ULK4: variants seen among roughly 807,000 people sequenced by gnomAD.
ULK4 encodes unc-51 like kinase 4.
Under a neutral mutation model 160.6 loss-of-function variants are expected in ULK4, and 133 were observed. That is an observed-to-expected ratio of 0.83 (90% CI 0.72 to 0.96). The LOEUF is 0.96. ULK4 is among the 40% of genes least tolerant of loss of function. ULK4 has a pLI of 0.00. For missense variants in ULK4, 1,580 were observed against 1,499.5 expected (o/e 1.05, Z -0.89); for synonymous variants, 534 against 539.8 (o/e 0.99, Z 0.15).
At chr3:41,705,655 C>A (rs576583973) in intron 25 of ULK4, among the ~76,000 whole-genome samples, 92 of 152,168 alleles carry the variant, frequency 6.0e-4, no homozygotes, top group African/African-American at 2.1e-3. Context: ...TGCCACCACG[C>A]CTGGCTAATT....
chr3:41,428,527 A>C (rs2082829058), intron 34 of ULK4, among the ~76,000 whole-genome samples: 1 of 152,234 alleles, frequency 6.6e-6, no homozygotes, highest in South Asian at 2.1e-4. Flanking sequence ...CTATACTACA[A>C]GGCTATAGTC....
At chr3:41,906,928 G>A (rs1458188380) in intron 12 of ULK4, among the ~76,000 whole-genome samples, 4 of 152,128 alleles carry the variant, frequency 2.6e-5, no homozygotes, top group Non-Finnish European at 5.9e-5. Flanking sequence ...GGTAGGCGGA[G>A]GTTACAGTGA....
intron 27 of ULK4, among the ~76,000 whole-genome samples, chr3:41,697,241 G>A (rs1034130958): frequency 1.9e-4 from 29 of 152,102 alleles, no homozygotes; most frequent in African/African-American, 5.5e-4. Context: ...ATGACGCTTC[G>A]GTCAGCAACA....
chr3:41,331,784 C>T (rs1023488527), intron 35 of ULK4, among the ~76,000 whole-genome samples: 4 of 152,144 alleles, frequency 2.6e-5, no homozygotes, highest in Admixed American at 6.5e-5. Flanking sequence ...TGAGTGTTCC[C>T]TGAAAATTCA....
At chr3:41,794,588 G>C in intron 20 of ULK4, among the ~76,000 whole-genome samples, 1 of 138,380 alleles carries the variant, frequency 7.2e-6, no homozygotes, top group Admixed American at 8.1e-5. Flanking sequence ...TTGAACCCAG[G>C]AGGCAGAGGT....
chr3:41,559,708 G>C (rs1204545661), intron 32 of ULK4, among the ~76,000 whole-genome samples: 2 of 152,014 alleles, frequency 1.3e-5, no homozygotes, highest in African/African-American at 4.8e-5. Flanking sequence ...CCTTTGACCA[G>C]TTTTTGATGG....
intron 35 of ULK4, among the ~76,000 whole-genome samples, chr3:41,378,390 GAATA>G (rs900674358): frequency 2.4e-4 from 36 of 149,494 alleles, no homozygotes; most frequent in African/African-American, 5.2e-4. Flanking sequence ...AAGAAAAAAA[GAATA>G]AATAAATAAA....
intron 30 of ULK4, among the ~76,000 whole-genome samples, chr3:41,646,300 C>G (rs1280129654): frequency 2.6e-5 from 4 of 152,300 alleles, no homozygotes; most frequent in African/African-American, 9.6e-5. Flanking sequence ...ATGATCTTTA[C>G]ACTTTGGCAT....
At chr3:41,652,723 G>A (rs2034791245) in intron 30 of ULK4, among the ~76,000 whole-genome samples, 1 of 152,196 alleles carries the variant, frequency 6.6e-6, no homozygotes, top group African/African-American at 2.4e-5. Context: ...TTATCCACAT[G>A]ACACTGAGAA....
At chr3:41,545,480 T>A (rs1184857283) in intron 32 of ULK4, among the ~76,000 whole-genome samples, 1 of 152,200 alleles carries the variant, frequency 6.6e-6, no homozygotes, top group Non-Finnish European at 1.5e-5. Context: ...CCATTATTTC[T>A]GACAAGAGGT....
chr3:41,826,533 A>G (rs1022707163), intron 18 of ULK4, among the ~76,000 whole-genome samples: 3 of 150,608 alleles, frequency 2.0e-5, no homozygotes, highest in African/African-American at 7.4e-5. Flanking sequence ...AACAGACTTT[A>G]AACCAACAAA....
intron 35 of ULK4, among the ~76,000 whole-genome samples, chr3:41,340,589 T>C (rs2080660955): frequency 6.6e-6 from 1 of 152,196 alleles, no homozygotes; most frequent in Non-Finnish European, 1.5e-5. Context: ...TAAGTAAAAA[T>C]TGATAAAAAT....
At position 41,552,645 on chromosome 3, in the gene ULK4, A is replaced by G. The variant is rs561648769; in HGVS notation, c.3226+13380T>C. On this transcript the variant is annotated intron_variant, in intron 32 of 36. Coordinates refer to ENST00000301831, the MANE Select transcript of ULK4 (RefSeq NM_017886.4). ...CTATGCTCATGGGTTAGAAGAATTAATATTGTTAAAATGATCATACTGCCC... is the reference window on the plus strand; with the variant it reads ...CTATGCTCATGGGTTAGAAGAATTAGTATTGTTAAAATGATCATACTGCCC... Among the ~76,000 whole-genome samples the G allele has an allele frequency of 2.0e-5, 3 of 152,146 alleles. No individual in the cohort carries two copies. In the South Asian group the frequency reaches 6.2e-4, roughly 32 times the overall value.
intron 32 of ULK4, among the ~76,000 whole-genome samples, chr3:41,535,946 C>T (rs2086483903): frequency 1.3e-5 from 2 of 152,154 alleles, no homozygotes. Flanking sequence ...GCCTTAAGAC[C>T]ATCTGGACTC....
intron 35 of ULK4, among the ~76,000 whole-genome samples, chr3:41,304,877 A>G (rs1190461228): frequency 6.6e-6 from 1 of 152,180 alleles, no homozygotes; most frequent in African/African-American, 2.4e-5. Context: ...GAGAGCTGAG[A>G]TCTCCTGCAT....
intron 2 of ULK4, among the ~76,000 whole-genome samples, chr3:41,938,701 A>T (rs944362689): frequency 1.3e-5 from 2 of 151,754 alleles, no homozygotes; most frequent in Admixed American, 1.3e-4. Context: ...AAATAAATAA[A>T]TTTTTTTAAA....
At position 41,455,727 on chromosome 3, in the gene ULK4, T is replaced by A. The variant is rs2083532183; in HGVS notation, c.3394-132A>T. On this transcript the variant is annotated intron_variant, in intron 33 of 36. Transcript: ENST00000301831. ...TCTACCTCAGTTCCCAAGGATGGAA[T>A]AGATGGAGGCCCCAGAAGAGATACT... The A allele has an allele frequency of 7.1e-6, 5 of 702,112 alleles. No homozygotes were observed. In the South Asian group the frequency reaches 8.8e-5, roughly 12 times the overall value. 43.5% of individuals were successfully genotyped at this position (702,112 alleles called of 1,614,324 possible).
At chr3:41,670,001 T>G (rs1053797560) in intron 29 of ULK4, among the ~76,000 whole-genome samples, 2 of 152,174 alleles carry the variant, frequency 1.3e-5, no homozygotes, top group Non-Finnish European at 2.9e-5. Flanking sequence ...CTGAGAGTCT[T>G]GAATAGTTGG....
intron 34 of ULK4, among the ~76,000 whole-genome samples, chr3:41,449,043 A>T (rs1052528093): frequency 6.6e-6 from 1 of 151,966 alleles, no homozygotes; most frequent in African/African-American, 2.4e-5. Flanking sequence ...TCAGTCTCCC[A>T]AGTAGTTGGG....
Sources: gnomAD v4.1 joint callset for allele counts (sites outside exome capture counted in the v4.1 genomes callset) on GRCh38, gnomAD v4.1.1 for gene constraint, MANE v1.5 for transcripts, NCBI Gene and HGNC (gene_info 2026-07-23, HGNC 2026-07-21) for gene names.